Variants in TSPEAR observed in about 807,000 individuals in gnomAD.
TSPEAR encodes thrombospondin type laminin G domain and EAR repeats, also known as thrombospondin-type laminin G domain and EAR repeat-containing protein.
A neutral mutation model predicts 71.6 loss-of-function variants in TSPEAR; 69 were observed. The ratio of observed to expected loss-of-function variants is 0.96; its 90% CI spans 0.79 to 1.18. TSPEAR has a LOEUF of 1.18. Ranked by LOEUF, TSPEAR falls within the 50% of genes most tolerant of loss-of-function variation. The pLI is 0.00. For missense variants in TSPEAR, 971 were observed against 894.9 expected, an observed-to-expected ratio of 1.09 and a Z score of -1.09; for synonymous variants, 402 against 387.2, an observed-to-expected ratio of 1.04 and a Z score of -0.45.
chr21:44,531,231 C>G (rs2052964582), intron 3 of TSPEAR, 98 bp from the exon 4 acceptor site: 1 of 930,450 alleles, frequency 1.1e-6, no homozygotes, highest in Non-Finnish European at 1.7e-6. Flanking sequence ...AAGCAGCGTG[C>G]ATCTGTGCTG....
intron 10 of TSPEAR, among the ~76,000 whole-genome samples, chr21:44,505,337 C>T (rs1433474530): frequency 6.6e-6 from 1 of 152,078 alleles, no homozygotes; most frequent in African/African-American, 2.4e-5. Flanking sequence ...CCTCAGCCTC[C>T]CAAAGTGCTG....
At chr21:44,630,025 G>A (rs1345045582) in intron 1 of TSPEAR, among the ~76,000 whole-genome samples, 1 of 152,172 alleles carries the variant, frequency 6.6e-6, no homozygotes, top group African/African-American at 2.4e-5. Context: ...GGTATGGAGA[G>A]TGACCTAGGG....
At chr21:44,702,763 T>A in intron 1 of TSPEAR, 2 of 1,355,438 alleles carry the variant, frequency 1.5e-6, no homozygotes, top group Non-Finnish European at 2.1e-6. Flanking sequence ...CCACCTGGCC[T>A]GCTGAGGCCT....
At position 44,504,852 on chromosome 21, in the gene TSPEAR, CCCA is replaced by C. The variant is rs782044179; in HGVS notation, c.1781_1783del (p.Val594del). 1 of 1,611,104 alleles carries C rather than the reference CCCA, an allele frequency of 6.2e-7. No homozygotes were observed. The highest frequency in any genetic ancestry group is 1.7e-5 in the Admixed American group (1 of 59,784). ...GGCCACCACCAGGAAATAATCTTCT[CCCA>C]CCGAGAAAAACTCCCAGTCCAGAGC... On this transcript the variant is annotated inframe_deletion, in exon 11 of 12. Transcript: ENST00000323084.
chr21:44,589,897 G>T (rs1979644811), intron 1 of TSPEAR, among the ~76,000 whole-genome samples: 1 of 152,248 alleles, frequency 6.6e-6, no homozygotes, highest in South Asian at 2.1e-4. Flanking sequence ...TAGGATGAAG[G>T]CTCGGCCCCT....
chr21:44,601,681 T>C (rs781993561), intron 1 of TSPEAR: 1 of 1,612,730 alleles, frequency 6.2e-7, no homozygotes, highest in African/African-American at 1.3e-5. Flanking sequence ...CCGCCCCGCA[T>C]GCTCCCGCCC....
intron 8 of TSPEAR, among the ~76,000 whole-genome samples, chr21:44,522,666 C>G (rs1555914442): frequency 6.6e-6 from 1 of 152,236 alleles, no homozygotes; most frequent in African/African-American, 2.4e-5. Flanking sequence ...GGTGGCCGCT[C>G]AGGGCAGTGT....
At position 44,661,715 on chromosome 21, in the gene TSPEAR, G is replaced by A. The variant is rs186032062; in HGVS notation, c.82+49718C>T. On this transcript the variant is annotated intron_variant, in intron 1 of 11. Coordinates refer to ENST00000323084, the MANE Select transcript of TSPEAR (RefSeq NM_144991.3). Reference sequence around the variant, plus strand: ...GAGGAAACTTACAAGCACTGTGGAAGGTGAAGGGGGAGCAGGCACATCACG... The same window carrying A: ...GAGGAAACTTACAAGCACTGTGGAAAGTGAAGGGGGAGCAGGCACATCACG... 1.7e-4 allele frequency among the ~76,000 whole-genome samples: 26 copies of A among 152,318 alleles called. 1 individual carries two copies. In the East Asian group the frequency reaches 4.4e-3, roughly 26 times the overall value.
At chr21:44,653,984 C>T (rs1222987165) in intron 1 of TSPEAR, among the ~76,000 whole-genome samples, 9 of 152,318 alleles carry the variant, frequency 5.9e-5, no homozygotes, top group African/African-American at 1.2e-4. Flanking sequence ...AGGCATCACA[C>T]AGACTCAGGT....
At chr21:44,697,568 G>C in intron 1 of TSPEAR, 1 of 1,612,944 alleles carries the variant, frequency 6.2e-7, no homozygotes, top group Non-Finnish European at 8.5e-7. Context: ...CTGTATGCCC[G>C]TCTGCTGTGG....
intron 3 of TSPEAR, 34 bp downstream of exon 3, chr21:44,533,651 A>G (rs1555915971): frequency 6.5e-7 from 1 of 1,545,822 alleles, no homozygotes; most frequent in Non-Finnish European, 8.9e-7. Context: ...GACTCTGAGG[A>G]CTGCAGGTGC....
rs1555911700 is a variant in TSPEAR at position 44,504,885 on chromosome 21, C to T, written c.1755-4G>A. On this transcript the variant is annotated splice_region_variant and splice_polypyrimidine_tract_variant and intron_variant, in intron 10 of 11. Coordinates refer to ENST00000323084, the MANE Select transcript of TSPEAR (RefSeq NM_144991.3). ...GAAAAACTCCCAGTCCAGAGCACTG[C>T]AGGAACAAGTGGGTGGATATTAGGA... 3 of 1,610,696 alleles carry T rather than the reference C, an allele frequency of 1.9e-6. No individual in the cohort carries two copies. Among genetic ancestry groups the T allele is most frequent in the African/African-American group, 2.7e-5 (2 of 74,830 alleles).
chr21:44,505,567 TCCCCCCCCCC>T (rs1270275295), intron 10 of TSPEAR, among the ~76,000 whole-genome samples: 12 of 8,506 alleles, frequency 1.4e-3, no homozygotes, highest in East Asian at 0.01. Flanking sequence ...CCCTCCCCCC[TCCCCCCCCCC>T]CCCCCCCCAG....
chr21:44,708,011 A>G (rs1343174882), intron 1 of TSPEAR, among the ~76,000 whole-genome samples: 29 of 4,226 alleles, frequency 6.9e-3, no homozygotes, highest in Non-Finnish European at 0.02. Flanking sequence ...GCGCGTGCAC[A>G]CACACACACA....
intron 2 of TSPEAR, chr21:44,550,737 C>T (rs200972515): frequency 2.2e-5 from 36 of 1,613,810 alleles, no homozygotes; most frequent in Admixed American, 6.7e-5. Context: ...GGAGGCTGGG[C>T]GGGAGCACAC....
intron 9 of TSPEAR, among the ~76,000 whole-genome samples, chr21:44,512,828 G>A (rs2052431271): frequency 6.6e-6 from 1 of 152,178 alleles, no homozygotes; most frequent in South Asian, 2.1e-4. Context: ...GCAGTGGCCG[G>A]AGTGAATGCT....
chr21:44,518,705 A>G (rs1411875658), intron 9 of TSPEAR: 2 of 470,658 alleles, frequency 4.2e-6, no homozygotes, highest in Non-Finnish European at 4.4e-6. Flanking sequence ...GATGATTGGA[A>G]GTGACTGCCT....
intron 3 of TSPEAR, among the ~76,000 whole-genome samples, chr21:44,532,043 C>T (rs75697303): frequency 0.11 from 16,528 of 152,262 alleles, 945 homozygotes; most frequent in East Asian, 0.2. Context: ...CAGAAAGCCC[C>T]GTCCTCTGCA....
chr21:44,693,320 C>T (rs190385696), intron 1 of TSPEAR, among the ~76,000 whole-genome samples: 41 of 152,156 alleles, frequency 2.7e-4, no homozygotes, highest in African/African-American at 5.3e-4. Context: ...TTAGATATTA[C>T]GCAAGAAGCA....
Sources: gnomAD v4.1 joint callset for allele counts (sites outside exome capture counted in the v4.1 genomes callset) on GRCh38, gnomAD v4.1.1 for gene constraint, MANE v1.5 for transcripts, NCBI Gene and HGNC (gene_info 2026-07-23, HGNC 2026-07-21) for gene names.